The following TEK variants were observed in gnomAD, a reference collection of about 807,000 sequenced individuals.
TEK encodes TEK receptor tyrosine kinase.
Under a neutral mutation model 131.8 loss-of-function variants are expected in TEK, and 43 were observed. The ratio of observed to expected loss-of-function variants is 0.33; its 90% CI spans 0.26 to 0.42. The LOEUF is 0.42. Among genes scored for constraint, TEK ranks in the 10% least tolerant of loss-of-function variants. TEK has a pLI of 1.00. For synonymous variants in TEK, 580 were observed against 491.6 expected (o/e 1.18, Z -2.38); for missense variants, 1,162 against 1,384.4 (o/e 0.84, Z 2.55).
At chr9:27,129,349 T>G (rs952758820) in intron 1 of TEK, among the ~76,000 whole-genome samples, 1 of 152,184 alleles carries the variant, frequency 6.6e-6, no homozygotes, top group Non-Finnish European at 1.5e-5. Flanking sequence ...ACTTAATACA[T>G]GCACAAGTAG....
intron 1 of TEK, among the ~76,000 whole-genome samples, chr9:27,119,118 G>A (rs933668708): frequency 1.3e-5 from 2 of 152,132 alleles, no homozygotes; most frequent in African/African-American, 2.4e-5. Context: ...CCTTGGAAGT[G>A]AATCATCCTG....
intron 1 of TEK, among the ~76,000 whole-genome samples, chr9:27,113,160 C>T (rs72713716): frequency 0.068 from 10,360 of 152,248 alleles, 960 homozygotes; most frequent in East Asian, 0.47. Context: ...CTTGGATAAC[C>T]ATAAGCAAGT....
rs1190571573 is a variant in TEK at position 27,229,307 on chromosome 9, C to T, written c.*75C>T. ...CCTTGACACCTGCTGAGAAAACATGCCTCTGCCAAAGGATGTGATATATAA... is the reference window on the plus strand; with the variant it reads ...CCTTGACACCTGCTGAGAAAACATGTCTCTGCCAAAGGATGTGATATATAA... On this transcript the variant is annotated 3_prime_UTR_variant, in exon 23 of 23. Transcript: ENST00000380036. 7.1e-7 allele frequency: 1 copy of T among 1,409,526 alleles called. No individual in the cohort carries two copies. Among genetic ancestry groups the T allele is most frequent in the African/African-American group, 1.4e-5 (1 of 70,680 alleles). The allele number at this position is 1,409,526 out of a possible 1,614,324, so 87.3% of individuals were successfully genotyped here. A position where few individuals can be genotyped will look rare whatever the true frequency, so the allele number is the denominator to read the frequency against.
intron 21 of TEK, among the ~76,000 whole-genome samples, chr9:27,220,565 G>A (rs547326572): frequency 1.6e-4 from 25 of 152,290 alleles, no homozygotes; most frequent in Admixed American, 3.3e-4. Flanking sequence ...TGAGATCAAC[G>A]CAGAAGGCAA....
At chr9:27,219,742 CT>C (rs879399852) in intron 20 of TEK, among the ~76,000 whole-genome samples, 59,469 of 129,502 alleles carry the variant, frequency 0.46, 13,613 homozygotes, top group Middle Eastern at 0.57. Context: ...AAAGGTTAAT[CT>C]TATTGGTATA....
intron 18 of TEK, among the ~76,000 whole-genome samples, chr9:27,216,771 G>A (rs1172967705): frequency 1.3e-5 from 2 of 152,132 alleles, no homozygotes; most frequent in Admixed American, 6.6e-5. Context: ...GAGAACACCT[G>A]CTCTGGAGAG....
chr9:27,145,351 T>C (rs1367042591), intron 1 of TEK, among the ~76,000 whole-genome samples: 1 of 152,118 alleles, frequency 6.6e-6, no homozygotes, highest in Non-Finnish European at 1.5e-5. Flanking sequence ...GGGTTTGAAG[T>C]GTGAGGGAGG....
At chr9:27,171,599 C>T (rs913450377) in intron 4 of TEK, among the ~76,000 whole-genome samples, 1 of 152,162 alleles carries the variant, frequency 6.6e-6, no homozygotes, top group African/African-American at 2.4e-5. Flanking sequence ...GTTTTATAGG[C>T]AGGACTATTT....
chr9:27,148,835 T>C (rs1216252421), intron 1 of TEK, among the ~76,000 whole-genome samples: 3 of 152,234 alleles, frequency 2.0e-5, no homozygotes, highest in African/African-American at 7.2e-5. Context: ...AAGTTTTACA[T>C]GTAACATACG....
chr9:27,111,899 T>A, intron 1 of TEK, among the ~76,000 whole-genome samples: 1 of 1,794 alleles, frequency 5.6e-4, no homozygotes, highest in Non-Finnish European at 0.016. Context: ...GTCACTTGAC[T>A]TTTTTTTTTT....
intron 6 of TEK, 147 bp from the exon 7 acceptor site, chr9:27,180,093 T>C: frequency 1.7e-6 from 2 of 1,182,246 alleles, no homozygotes; most frequent in Non-Finnish European, 2.4e-6. Context: ...CTTTTTAAGT[T>C]CCTGGTAATT....
intron 2 of TEK, among the ~76,000 whole-genome samples, chr9:27,166,423 T>G (rs1823732954): frequency 6.6e-6 from 1 of 152,248 alleles, no homozygotes; most frequent in African/African-American, 2.4e-5. Context: ...GATTTGTCAG[T>G]TTCTTTAATT....
At chr9:27,180,219 T>A (rs372703259) in intron 6 of TEK, 21 bp from the exon 7 acceptor site, 31 of 1,613,432 alleles carry the variant, frequency 1.9e-5, no homozygotes, top group Non-Finnish European at 2.5e-5. Flanking sequence ...AATACTGGTT[T>A]TTTGATGTCT....
At chr9:27,182,601 G>C (rs1824427717) in intron 7 of TEK, among the ~76,000 whole-genome samples, 1 of 152,070 alleles carries the variant, frequency 6.6e-6, no homozygotes, top group South Asian at 2.1e-4. Context: ...TGTAGTTACT[G>C]CTGCTCTGAG....
At chr9:27,149,554 T>C (rs1397441429) in intron 1 of TEK, among the ~76,000 whole-genome samples, 3 of 152,232 alleles carry the variant, frequency 2.0e-5, no homozygotes, top group African/African-American at 7.2e-5. Context: ...AATATAATCC[T>C]GAATTTCTTC....
intron 1 of TEK, among the ~76,000 whole-genome samples, chr9:27,140,408 A>C (rs894634170): frequency 3.8e-4 from 58 of 151,770 alleles, no homozygotes; most frequent in African/African-American, 8.5e-4. Context: ...AAAAAAAAAA[A>C]AAAAAAGAAA....
chr9:27,112,726 G>A (rs1008442007), intron 1 of TEK, among the ~76,000 whole-genome samples: 3 of 152,192 alleles, frequency 2.0e-5, no homozygotes, highest in Non-Finnish European at 2.9e-5. Context: ...GCTTACTGGT[G>A]AGCTCACAGA....
intron 1 of TEK, among the ~76,000 whole-genome samples, chr9:27,135,445 A>T (rs1245945778): frequency 1.3e-5 from 2 of 152,082 alleles, no homozygotes; most frequent in Admixed American, 6.6e-5. Flanking sequence ...TCTCTTCATT[A>T]GTCTCAAAAT....
intron 1 of TEK, among the ~76,000 whole-genome samples, chr9:27,127,584 TA>T (rs1822037876): frequency 6.6e-6 from 1 of 152,246 alleles, no homozygotes; most frequent in South Asian, 2.1e-4. Context: ...TGAACTAATT[TA>T]AACTCCCACC....
Sources: allele counts gnomAD v4.1 joint callset (sites outside exome capture counted in the v4.1 genomes callset), GRCh38; gene constraint gnomAD v4.1.1; transcripts MANE v1.5; gene names NCBI Gene and HGNC (gene_info 2026-07-23, HGNC 2026-07-21).